LMBRD2: variants seen among roughly 807,000 people sequenced by gnomAD.
LMBRD2 encodes the protein G protein-coupled receptor-associated protein LMBRD2.
In LMBRD2, 55 loss-of-function variants were observed where a neutral mutation model predicts 94.4. The observed-to-expected ratio is 0.58, with a 90% confidence interval of 0.47 to 0.73. The LOEUF is 0.73. Ranked by LOEUF, LMBRD2 falls within the 30% of genes least tolerant of loss-of-function variation. LMBRD2 has a pLI of 0.00. For synonymous variants in LMBRD2, 246 were observed against 272.4 expected, an observed-to-expected ratio of 0.90 and a Z score of 0.95; for missense variants, 640 against 831.9, an observed-to-expected ratio of 0.77 and a Z score of 2.84.
rs186630747 is a variant in LMBRD2 at position 36,136,608 on chromosome 5, G to C, written c.537-89C>G. On this transcript the variant is annotated intron_variant, in intron 5 of 17. Coordinates refer to ENST00000296603, the MANE Select transcript of LMBRD2 (RefSeq NM_001007527.2). ...AATAGACTTTAACACAGGAGACACT[G>C]TTTCTACTGCAGTTAAAATTAGCAT... 374 of 1,038,308 alleles carry C rather than the reference G, an allele frequency of 3.6e-4. No homozygotes were observed. In the Middle Eastern group the frequency reaches 5.6e-3, roughly 15 times the overall value. The allele number at this position is 1,038,308 out of a possible 1,614,324, so 64.3% of individuals were successfully genotyped here. A position where few individuals can be genotyped will look rare whatever the true frequency, so the allele number is the denominator to read the frequency against.
At chr5:36,132,577 A>T (rs1056005546) in intron 6 of LMBRD2, among the ~76,000 whole-genome samples, 1 of 151,754 alleles carries the variant, frequency 6.6e-6, no homozygotes, top group Non-Finnish European at 1.5e-5. Flanking sequence ...AGAGGTTAAT[A>T]ACCAGAATAT....
chr5:36,149,002 C>G (rs1744622622), intron 1 of LMBRD2, among the ~76,000 whole-genome samples: 1 of 152,138 alleles, frequency 6.6e-6, no homozygotes, highest in African/African-American at 2.4e-5. Flanking sequence ...TAATATATGA[C>G]TGTACTCTAC....
Position 36,107,316 on chromosome 5 carries a change from G to T in LMBRD2, c.1897+1218C>A, listed in dbSNP as rs573650127. Among the ~76,000 whole-genome samples the T allele has an allele frequency of 5.3e-5, 8 of 152,296 alleles. No individual in the cohort carries two copies. In the South Asian group the frequency reaches 1.7e-3, roughly 32 times the overall value. On this transcript the variant is annotated intron_variant, in intron 16 of 17. Transcript: ENST00000296603. ...TTATTTCAAAGTCACTGCACTGTCT[G>T]ATAATTTCAACATTTGAGCCACCTC...
chr5:36,136,010 C>T (rs928458720), intron 6 of LMBRD2, among the ~76,000 whole-genome samples: 3 of 152,126 alleles, frequency 2.0e-5, no homozygotes, highest in East Asian at 3.9e-4. Flanking sequence ...CATTTAATCT[C>T]GGAGACTTTT....
intron 7 of LMBRD2, among the ~76,000 whole-genome samples, chr5:36,123,782 TTATGA>T (rs1743942665): frequency 1.3e-5 from 2 of 151,078 alleles, no homozygotes; most frequent in South Asian, 2.1e-4. Context: ...ATCATTCATT[TTATGA>T]TATATGTCAT....
At chr5:36,148,113 A>G (rs1744596075) in intron 1 of LMBRD2, 2 of 182,106 alleles carry the variant, frequency 1.1e-5, no homozygotes, top group African/African-American at 4.8e-5. Context: ...TTAAGTCAAC[A>G]ATTTTCCACC....
At chr5:36,147,390 C>T (rs1203015009) in intron 1 of LMBRD2, among the ~76,000 whole-genome samples, 2 of 152,054 alleles carry the variant, frequency 1.3e-5, no homozygotes, top group Non-Finnish European at 2.9e-5. Context: ...GATGGTGATA[C>T]TAAAATGGGG....
At chr5:36,114,689 G>C (rs1743697592) in intron 12 of LMBRD2, among the ~76,000 whole-genome samples, 168 bp from the exon 13 acceptor site, 1 of 151,856 alleles carries the variant, frequency 6.6e-6, no homozygotes, top group South Asian at 2.1e-4. Flanking sequence ...GCTTTTTATT[G>C]AGGTTTTCTC....
rs554382909 is a variant in LMBRD2 at position 36,128,931 on chromosome 5, T to C, written c.748-4666A>G. On this transcript the variant is annotated intron_variant, in intron 6 of 17. Coordinates refer to ENST00000296603, the MANE Select transcript of LMBRD2 (RefSeq NM_001007527.2). ...ATTAAAAATAATCAAGTAGAAATTCTGGAGTTGAAAAATGCATTGACATAT... is the reference window on the plus strand; with the variant it reads ...ATTAAAAATAATCAAGTAGAAATTCCGGAGTTGAAAAATGCATTGACATAT... Among the ~76,000 whole-genome samples, 6 of 152,264 alleles carry C rather than the reference T, an allele frequency of 3.9e-5. No individual in the cohort carries two copies. In the East Asian group the frequency reaches 1.2e-3, roughly 29 times the overall value.
At chr5:36,104,789 T>C (rs1340329148) in intron 17 of LMBRD2, among the ~76,000 whole-genome samples, 2 of 152,056 alleles carry the variant, frequency 1.3e-5, no homozygotes, top group Admixed American at 6.6e-5. Flanking sequence ...TCCTTTGCTA[T>C]ATATTTCAAT....
chr5:36,142,704 C>T, intron 2 of LMBRD2, 105 bp from the exon 3 acceptor site: 2 of 610,748 alleles, frequency 3.3e-6, no homozygotes, highest in Admixed American at 3.0e-5. Context: ...ACCTTCTTGG[C>T]TATGCTTTAT....
chr5:36,113,722 TGGTATTTTG>T (rs1051460293), intron 13 of LMBRD2, among the ~76,000 whole-genome samples: 9 of 151,984 alleles, frequency 5.9e-5, no homozygotes, highest in African/African-American at 2.2e-4. Flanking sequence ...TTTGAAAAAG[TGGTATTTTG>T]GGTATGTTAT....
chr5:36,124,553 G>A (rs1743966221), intron 6 of LMBRD2, among the ~76,000 whole-genome samples: 1 of 152,098 alleles, frequency 6.6e-6, no homozygotes, highest in Non-Finnish European at 1.5e-5. Flanking sequence ...CAAAAGATCA[G>A]ACAAACTTTA....
At chr5:36,105,655 G>A (rs1039911824) in intron 16 of LMBRD2, among the ~76,000 whole-genome samples, 1 of 152,024 alleles carries the variant, frequency 6.6e-6, no homozygotes, top group Admixed American at 6.6e-5. Flanking sequence ...AGCCAACATC[G>A]GCACTAGCCG....
intron 3 of LMBRD2, among the ~76,000 whole-genome samples, chr5:36,141,962 C>A (rs1051863355): frequency 2.6e-5 from 4 of 152,238 alleles, no homozygotes; most frequent in Admixed American, 2.0e-4. Context: ...TGAAAGCATT[C>A]ATAAAGGCTA....
At position 36,136,298 on chromosome 5, in the gene LMBRD2, A is replaced by G. The variant is rs1222964119; in HGVS notation, c.747+11T>C. 3.1e-6 allele frequency: 5 copies of G among 1,613,370 alleles called. No homozygotes were observed. The East Asian group carries it at 8.9e-5, about 29-fold the overall frequency. On this transcript the variant is annotated intron_variant, in intron 6 of 17. Transcript: ENST00000296603. ...TAGTGACTATTGCTTATAAGGTTCA[A>G]ACTTGCTTACCTCCATGGCATCTTC...
chr5:36,122,730 A>T, intron 8 of LMBRD2, 118 bp downstream of exon 8: 1 of 1,263,370 alleles, frequency 7.9e-7, no homozygotes, highest in Non-Finnish European at 1.1e-6. Context: ...AATGATAAGG[A>T]CGGGATTAAA....
chr5:36,137,436 A>C lies in LMBRD2; in HGVS notation c.374T>G (p.Leu125Arg). The C allele has an allele frequency of 6.4e-7, 1 of 1,556,402 alleles. No homozygotes were observed. The highest frequency in any genetic ancestry group is 1.2e-5 in the South Asian group (1 of 81,322). Residue 125 changes from leucine to arginine, a missense_variant, in exon 5 of 18, where the codon CTC becomes CGC. Transcript: ENST00000296603. ...TGCATATGACTGCATAAAAGGTAAG[A>C]GAATCCTAGATGGATAGAAAAAATA... ...YWTSQFLTWI[L>R]LPFMQSYARS...
At chr5:36,141,474 C>G (rs553102599) in intron 3 of LMBRD2, among the ~76,000 whole-genome samples, 1 of 151,890 alleles carries the variant, frequency 6.6e-6, no homozygotes, top group Admixed American at 6.5e-5. Context: ...AAAAAGAAAA[C>G]TTAATGTTCA....
Sources: gnomAD v4.1 joint callset for allele counts (sites outside exome capture counted in the v4.1 genomes callset) on GRCh38, gnomAD v4.1.1 for gene constraint, MANE v1.5 for transcripts, NCBI Gene and HGNC (gene_info 2026-07-23, HGNC 2026-07-21) for gene names.